The following PCDHGB5 variants were observed in gnomAD, a reference collection of about 807,000 sequenced individuals.
PCDHGB5 encodes the protein protocadherin gamma-B5.
Under a neutral mutation model 62.9 loss-of-function variants are expected in PCDHGB5, and 48 were observed. The ratio of observed to expected loss-of-function variants is 0.76; its 90% CI spans 0.61 to 0.97. The LOEUF (loss-of-function observed/expected upper bound fraction) is 0.97, where lower values mean the gene tolerates loss of function less well. PCDHGB5 is among the 50% of genes least tolerant of loss of function. PCDHGB5 has a pLI of 0.00. For missense variants in PCDHGB5, 1,118 were observed against 1,198.6 expected, an observed-to-expected ratio of 0.93 and a Z score of 0.99; for synonymous variants, 474 against 511.2, an observed-to-expected ratio of 0.93 and a Z score of 0.98.
rs778209794 is a variant in PCDHGB5 at position 141,408,298 on chromosome 5, G to C, written c.2397+7774G>C. The C allele has an allele frequency of 4.3e-6, 7 of 1,613,586 alleles. No homozygotes were observed. The Admixed American group carries it at 5.0e-5, about 12-fold the overall frequency. ...TGTTCTACCCCACCCTGAGTGAGCCGATCCGCTACTCGATTCCGGAGGAGC... is the reference window on the plus strand; with the variant it reads ...TGTTCTACCCCACCCTGAGTGAGCCCATCCGCTACTCGATTCCGGAGGAGC... On this transcript the variant is annotated intron_variant, in intron 1 of 3. Coordinates refer to ENST00000617380, the MANE Select transcript of PCDHGB5 (RefSeq NM_018925.3).
chr5:141,419,334 T>C (rs1260087339), intron 1 of PCDHGB5: 3 of 1,613,870 alleles, frequency 1.9e-6, no homozygotes, highest in Non-Finnish European at 8.5e-7. Flanking sequence ...TACTCTCTCA[T>C]TGCCAGCGAC....
chr5:141,433,159 T>C, intron 1 of PCDHGB5: 2 of 1,613,968 alleles, frequency 1.2e-6, no homozygotes, highest in Non-Finnish European at 1.7e-6. Flanking sequence ...CGGTATTTTC[T>C]AAAGACAGTC....
In PCDHGB5 at chr5:141,431,320, C is replaced by A. The variant is rs993831541; in HGVS notation, c.2397+30796C>A. ...CCCTCATCGTGCAAAATGGAGCCGA[C>A]GGTAGTAAGTACCCCGAATTGGTGC... On this transcript the variant is annotated intron_variant, in intron 1 of 3. Transcript: ENST00000617380. This position sits in a 1 kb window ranked among gnomAD's most constrained non-coding sequence, Gnocchi z 4.8. 1 of 1,614,102 alleles carries A rather than the reference C, an allele frequency of 6.2e-7. No individual in the cohort carries two copies. The highest frequency in any genetic ancestry group is 1.7e-5 in the Admixed American group (1 of 60,032).
At chr5:141,441,863 C>A in intron 1 of PCDHGB5, 2 of 342,418 alleles carry the variant, frequency 5.8e-6, no homozygotes, top group African/African-American at 2.2e-5. Flanking sequence ...CTGCACGCCG[C>A]GGAGCCTGGC....
intron 1 of PCDHGB5, among the ~76,000 whole-genome samples, chr5:141,474,234 T>C (rs1458919904): frequency 6.6e-6 from 1 of 152,204 alleles, no homozygotes; most frequent in Non-Finnish European, 1.5e-5. Flanking sequence ...TAAGTGATGC[T>C]GAATAGGGGA....
chr5:141,489,093 A>T lies in PCDHGB5; in HGVS notation c.2398-5714A>T. ...GCCCACCCCCGCCACTCGGTGACTA[A>T]GAACTGCTGCAAGCAGGCAAACCTC... is the stretch of plus-strand genomic sequence containing the variant. On this transcript the variant is annotated intron_variant, in intron 1 of 3. Coordinates refer to ENST00000617380, the MANE Select transcript of PCDHGB5 (RefSeq NM_018925.3). This position sits in a 1 kb window ranked among gnomAD's most constrained non-coding sequence, Gnocchi z 4.5. 2.1e-6 allele frequency: 1 copy of T among 477,272 alleles called. No individual in the cohort carries two copies. Among genetic ancestry groups the T allele is most frequent in the Non-Finnish European group, 3.6e-6 (1 of 276,700 alleles). The allele number at this position is 477,272 out of a possible 1,614,324, so 29.6% of individuals were successfully genotyped here.
chr5:141,403,243 T>C (rs1363955978), intron 1 of PCDHGB5: 2 of 1,613,894 alleles, frequency 1.2e-6, no homozygotes, highest in East Asian at 4.5e-5. Context: ...AGCTCTGTGC[T>C]CAGAGCCCGC....
Position 141,432,083 on chromosome 5 carries a change from G to T in PCDHGB5, c.2397+31559G>T, listed in dbSNP as rs1221754474. On this transcript the variant is annotated intron_variant, in intron 1 of 3. Transcript: ENST00000617380. The surrounding 1 kb of genome is among the most constrained non-coding windows in gnomAD (Gnocchi z 6.0). ...CACGGAAACTCATATCTCGCTGAAC[G>T]TGGCAGACACCAACGACAACCCGCC... The T allele has an allele frequency of 1.9e-6, 3 of 1,614,040 alleles. No individual in the cohort carries two copies. The highest frequency in any genetic ancestry group is 2.7e-5 in the African/African-American group (2 of 74,910).
In PCDHGB5 at chr5:141,431,961, A is replaced by C; in HGVS notation, c.2397+31437A>C. Reference sequence around the variant, plus strand: ...AAATTAGAAAAATCTTACGGAAATTACTATAGTTTAGTCACAGACATAGTC... The same window carrying C: ...AAATTAGAAAAATCTTACGGAAATTCCTATAGTTTAGTCACAGACATAGTC... On this transcript the variant is annotated intron_variant, in intron 1 of 3. Transcript: ENST00000617380. The surrounding 1 kb of genome is among the most constrained non-coding windows in gnomAD (Gnocchi z 4.8). 1 of 1,614,206 alleles carries C rather than the reference A, an allele frequency of 6.2e-7. No homozygotes were observed.
rs551396089 is a variant in PCDHGB5, at chr5:141,423,798, A to T, written c.2397+23274A>T. On this transcript the variant is annotated intron_variant, in intron 1 of 3. Coordinates refer to ENST00000617380, the MANE Select transcript of PCDHGB5 (RefSeq NM_018925.3). ...TATTTAGTTCATATATATTTAGAGC[A>T]ATACATGTGAGTTTTACTTTGCCTT... is the stretch of plus-strand genomic sequence containing the variant. 3.3e-6 allele frequency: 4 copies of T among 1,222,280 alleles called. No homozygotes were observed. The South Asian group carries it at 1.1e-4, about 33-fold the overall frequency. 75.7% of individuals were successfully genotyped at this position (1,222,280 alleles called of 1,614,324 possible). A position where few individuals can be genotyped will look rare whatever the true frequency, so the allele number is the denominator to read the frequency against.
In PCDHGB5 at chr5:141,432,296, G is replaced by T; in HGVS notation, c.2397+31772G>T. On this transcript the variant is annotated intron_variant, in intron 1 of 3. Coordinates refer to ENST00000617380, the MANE Select transcript of PCDHGB5 (RefSeq NM_018925.3). This position sits in a 1 kb window ranked among gnomAD's most constrained non-coding sequence, Gnocchi z 6.0. ...CGTGTCCATCAACTCCGACACTGGG[G>T]TACTGTATGCGCTGAGCTCCTTCGA... 1 of 1,614,224 alleles carries T rather than the reference G, an allele frequency of 6.2e-7. No individual in the cohort carries two copies. Among genetic ancestry groups the T allele is most frequent in the Non-Finnish European group, 8.5e-7 (1 of 1,180,044 alleles).
In PCDHGB5 at chr5:141,409,379, A is replaced by G. The variant is rs376174246; in HGVS notation, c.2397+8855A>G. On this transcript the variant is annotated intron_variant, in intron 1 of 3. Transcript: ENST00000617380. ...TAATATAGAAACAGACATTCCATTC[A>G]AGATTTATTCTTCTTCCAATAACTA... is the stretch of plus-strand genomic sequence containing the variant. The G allele has an allele frequency of 1.5e-5, 25 of 1,613,926 alleles. No homozygotes were observed. The highest frequency in any genetic ancestry group is 2.0e-5 in the Non-Finnish European group (24 of 1,179,908).
intron 1 of PCDHGB5, chr5:141,409,909 T>C (rs772516694): frequency 1.2e-6 from 2 of 1,613,200 alleles, no homozygotes; most frequent in African/African-American, 2.7e-5. Flanking sequence ...CTCTGGGTCC[T>C]GACGGCTCCG....
chr5:141,454,932 C>G (rs945154196), intron 1 of PCDHGB5, among the ~76,000 whole-genome samples: 7 of 150,770 alleles, frequency 4.6e-5, no homozygotes, highest in Non-Finnish European at 1.0e-4. Context: ...CTCAGCCTCC[C>G]GAGTAGCTGG....
intron 1 of PCDHGB5, chr5:141,419,381 A>T (rs1170271990): frequency 6.2e-7 from 1 of 1,613,544 alleles, no homozygotes; most frequent in Admixed American, 1.7e-5. Flanking sequence ...CGTGTCCGTG[A>T]GCGCGCAGAG....
chr5:141,408,463 G>T, intron 1 of PCDHGB5: 1 of 1,614,014 alleles, frequency 6.2e-7, no homozygotes, highest in Non-Finnish European at 8.5e-7. Context: ...TACTTGTGAA[G>T]AACCGAATAG....
intron 1 of PCDHGB5, among the ~76,000 whole-genome samples, chr5:141,450,814 A>C (rs990515429): frequency 1.5e-5 from 2 of 136,790 alleles, no homozygotes; most frequent in Non-Finnish European, 3.1e-5. Context: ...TTATTTATTT[A>C]ATATTATTAT....
intron 1 of PCDHGB5, among the ~76,000 whole-genome samples, chr5:141,488,423 T>C (rs1204233986): frequency 2.0e-5 from 3 of 152,354 alleles, no homozygotes; most frequent in Non-Finnish European, 4.4e-5. Context: ...CCATCCATGC[T>C]TGGCCTCTGA....
chr5:141,511,077 T>C lies in PCDHGB5; in HGVS notation c.2676T>C (p.Asn892=), dbSNP rs1279500774. ...YRQNVYIPGS[N]ATLTNAAGKR... is the part of the protein sequence containing the mutation. ...AGAATGTCTACATCCCAGGCAGCAA[T>C]GCCACACTGACCAACGCAGCTGGCA... is the stretch of plus-strand genomic sequence containing the variant. Residue 892 remains asparagine, a synonymous_variant, in exon 4 of 4, where the codon AAT becomes AAC. Transcript: ENST00000617380. 5 of 1,614,062 alleles carry C rather than the reference T, an allele frequency of 3.1e-6. No individual in the cohort carries two copies. The African/African-American group carries it at 6.7e-5, about 22-fold the overall frequency.
Sources: allele counts gnomAD v4.1 joint callset (sites outside exome capture counted in the v4.1 genomes callset), GRCh38; gene constraint gnomAD v4.1.1; non-coding constraint Gnocchi (gnomAD v3.1); transcripts MANE v1.5; gene names NCBI Gene and HGNC (gene_info 2026-07-23, HGNC 2026-07-21).